NTNG1: variants seen among roughly 807,000 people sequenced by gnomAD.
The protein encoded by NTNG1 is netrin-G1.
Under a neutral mutation model 54.0 loss-of-function variants are expected in NTNG1, and 16 were observed. The ratio of observed to expected loss-of-function variants is 0.30; its 90% CI spans 0.20 to 0.45. The LOEUF (loss-of-function observed/expected upper bound fraction) is 0.45. Among genes scored for constraint, NTNG1 ranks in the 20% least tolerant of loss-of-function variants. The probability of loss-of-function intolerance (pLI) is 1.00; values close to 1 mark genes in which losing one functional copy is unlikely to be tolerated. For missense variants in NTNG1, 530 were observed against 678.7 expected (o/e 0.78, Z 2.43); for synonymous variants, 255 against 263.1 (o/e 0.97, Z 0.30).
chr1:107,405,860 G>A (rs1170941056), intron 4 of NTNG1, among the ~76,000 whole-genome samples: 3 of 151,750 alleles, frequency 2.0e-5, no homozygotes, highest in African/African-American at 7.3e-5. Flanking sequence ...ACTCAACAGA[G>A]GATTTGCAAA....
chr1:107,266,099 A>G (rs1201064962), intron 2 of NTNG1, among the ~76,000 whole-genome samples: 3 of 152,166 alleles, frequency 2.0e-5, no homozygotes, highest in Non-Finnish European at 4.4e-5. Context: ...TTTTCCTGGA[A>G]TGTGAAATCC....
At chr1:107,326,896 G>A (rs530569816) in intron 3 of NTNG1, among the ~76,000 whole-genome samples, 6 of 152,084 alleles carry the variant, frequency 3.9e-5, no homozygotes, top group Admixed American at 2.0e-4. Flanking sequence ...GCATTTTTCT[G>A]CATTCTCCAC....
chr1:107,296,854 T>G (rs1246878067), intron 2 of NTNG1, among the ~76,000 whole-genome samples: 1 of 149,232 alleles, frequency 6.7e-6, no homozygotes, highest in African/African-American at 2.4e-5. Flanking sequence ...TATAAAAAGA[T>G]AATCAGAGTA....
chr1:107,197,066 T>C (rs1210603805), intron 2 of NTNG1, among the ~76,000 whole-genome samples: 2 of 152,098 alleles, frequency 1.3e-5, no homozygotes, highest in Non-Finnish European at 1.5e-5. Context: ...TTTTAGCGTA[T>C]AAAAGTTTAG....
intron 2 of NTNG1, among the ~76,000 whole-genome samples, chr1:107,246,420 A>AAG (rs1255504673): frequency 6.6e-6 from 1 of 152,060 alleles, no homozygotes; most frequent in Non-Finnish European, 1.5e-5. Context: ...AAAAAAAAAA[A>AAG]AAAATGTCCT....
intron 5 of NTNG1, among the ~76,000 whole-genome samples, chr1:107,424,991 G>A (rs190091060): frequency 6.6e-6 from 1 of 151,982 alleles, no homozygotes; most frequent in Non-Finnish European, 1.5e-5. Flanking sequence ...AGCAATGATG[G>A]GTAAGGAAGA....
At chr1:107,361,026 C>T (rs891740081) in intron 3 of NTNG1, among the ~76,000 whole-genome samples, 1 of 150,354 alleles carries the variant, frequency 6.7e-6, no homozygotes, top group East Asian at 1.9e-4. Flanking sequence ...AAAGAAGAAT[C>T]AGTTCTTATA....
At chr1:107,406,252 AATGAT>A (rs1255963525) in intron 4 of NTNG1, among the ~76,000 whole-genome samples, 1 of 152,160 alleles carries the variant, frequency 6.6e-6, no homozygotes, top group African/African-American at 2.4e-5. Flanking sequence ...AGCAAGCTAA[AATGAT>A]TAGTTAAAAT....
At chr1:107,453,673 G>T (rs1260833891) in intron 7 of NTNG1, among the ~76,000 whole-genome samples, 3 of 152,210 alleles carry the variant, frequency 2.0e-5, no homozygotes, top group Non-Finnish European at 2.9e-5. Context: ...TGGATGCCAT[G>T]TAGGGAAGTG....
intron 2 of NTNG1, among the ~76,000 whole-genome samples, chr1:107,302,818 C>G (rs1260514464): frequency 1.3e-5 from 2 of 152,120 alleles, no homozygotes; most frequent in Non-Finnish European, 2.9e-5. Context: ...AGACATATCC[C>G]TTACTTTTCT....
intron 2 of NTNG1, among the ~76,000 whole-genome samples, chr1:107,270,740 T>C (rs1664090214): frequency 1.9e-5 from 1 of 52,418 alleles, no homozygotes; most frequent in Non-Finnish European, 3.6e-5. Context: ...CCCGCCAAAG[T>C]GCAGTGCTTG....
intron 2 of NTNG1, among the ~76,000 whole-genome samples, chr1:107,168,445 C>A (rs1655977341): frequency 1.3e-5 from 2 of 151,832 alleles, no homozygotes; most frequent in Non-Finnish European, 2.9e-5. Flanking sequence ...TAAAATATTT[C>A]TCTCTCTCAG....
At chr1:107,250,699 T>C (rs1196273891) in intron 2 of NTNG1, among the ~76,000 whole-genome samples, 1 of 147,160 alleles carries the variant, frequency 6.8e-6, no homozygotes, top group East Asian at 2.0e-4. Flanking sequence ...CAGAGATGTG[T>C]CCAGAATCCA....
intron 2 of NTNG1, among the ~76,000 whole-genome samples, chr1:107,314,631 C>T (rs766501917): frequency 6.6e-6 from 1 of 152,082 alleles, no homozygotes; most frequent in Non-Finnish European, 1.5e-5. Context: ...CTTTTAAATA[C>T]CTCTGTAAGC....
At chr1:107,205,782 T>A (rs540919732) in intron 2 of NTNG1, among the ~76,000 whole-genome samples, 1 of 152,100 alleles carries the variant, frequency 6.6e-6, no homozygotes, top group South Asian at 2.1e-4. Context: ...ACACCTCTCA[T>A]GCCCTCTTCA....
chr1:107,463,751 C>A (rs557796316), intron 7 of NTNG1, among the ~76,000 whole-genome samples: 12 of 151,946 alleles, frequency 7.9e-5, no homozygotes, highest in African/African-American at 2.9e-4. Flanking sequence ...AAGGCAAGAG[C>A]CCTGATTATG....
chr1:107,308,808 T>C (rs77813351), intron 2 of NTNG1, among the ~76,000 whole-genome samples: 3,087 of 152,262 alleles, frequency 0.02, 80 homozygotes, highest in African/African-American at 0.061. Context: ...TCCACTTCTT[T>C]GATCAATTTG....
intron 2 of NTNG1, among the ~76,000 whole-genome samples, chr1:107,229,731 T>A (rs1325399607): frequency 2.0e-5 from 3 of 152,034 alleles, no homozygotes; most frequent in Non-Finnish European, 2.9e-5. Flanking sequence ...GGCACTTTTT[T>A]TTTTATTTAA....
At chr1:107,274,440 G>A (rs1664340460) in intron 2 of NTNG1, among the ~76,000 whole-genome samples, 1 of 152,172 alleles carries the variant, frequency 6.6e-6, no homozygotes, top group Admixed American at 6.5e-5. Flanking sequence ...AGGACCTTTG[G>A]TTAATAATTA....
Sources: allele counts gnomAD v4.1 joint callset (sites outside exome capture counted in the v4.1 genomes callset), GRCh38; gene constraint gnomAD v4.1.1; transcripts MANE v1.5; gene names NCBI Gene and HGNC (gene_info 2026-07-23, HGNC 2026-07-21).